The following SMG8 variants were observed in gnomAD, a reference collection of about 807,000 sequenced individuals.
SMG8 encodes the protein nonsense-mediated mRNA decay factor SMG8.
A neutral mutation model predicts 82.1 loss-of-function variants in SMG8; 49 were observed. The ratio of observed to expected loss-of-function variants is 0.60; its 90% CI spans 0.47 to 0.76. SMG8 has a LOEUF of 0.76. Ranked by LOEUF, SMG8 falls within the 30% of genes least tolerant of loss-of-function variation. The pLI, the probability that SMG8 is intolerant of heterozygous loss-of-function variation, is 0.00. For synonymous variants in SMG8, 404 were observed against 430.0 expected, an observed-to-expected ratio of 0.94 and a Z score of 0.75; for missense variants, 969 against 1,166.4, an observed-to-expected ratio of 0.83 and a Z score of 2.46.
Position 59,210,869 on chromosome 17 carries a change from G to A in SMG8, c.818G>A (p.Gly273Glu). The change falls in exon 1 of 4, where the codon GGA becomes GAA. Residue 273 changes from glycine (G) to glutamate (E), a missense_variant. Physicochemically the swap from Gly to Glu is moderately conservative, Grantham distance 98 (BLOSUM62 -2). Transcript: ENST00000300917. ...PRLLFLFQLN[G>E]ALKVEPPRNQ... ...CTCCTTTTCCTCTTTCAACTCAATG[G>A]AGCCCTCAAGGTAGAACCTCCTCGG... 1.9e-6 allele frequency: 3 copies of A among 1,614,030 alleles called. No individual in the cohort carries two copies. The highest frequency in any genetic ancestry group is 2.5e-6 in the Non-Finnish European group (3 of 1,180,034).
rs751444647 is a variant in SMG8 at position 59,211,641 on chromosome 17, G to A, written c.1590G>A (p.Gln530=). 6.2e-7 allele frequency: 1 copy of A among 1,613,962 alleles called. No homozygotes were observed. The highest frequency in any genetic ancestry group is 8.5e-7 in the Non-Finnish European group (1 of 1,179,970). Residue 530 remains glutamine (Q), a synonymous_variant, in exon 1 of 4, where the codon CAG becomes CAA. Coordinates refer to ENST00000300917, the MANE Select transcript of SMG8 (RefSeq NM_018149.7). ...TMTVHKNQLA[Q]ALRVYSQHAR... The stretch of plus-strand genomic sequence containing the variant: ...CTGTCCATAAGAATCAGCTTGCCCA[G>A]GCTCTTCGAGTGTACAGTCAACATG...
rs778791537 is a variant in SMG8 at position 59,211,248 on chromosome 17, C to T, written c.1197C>T (p.Ser399=). 6.2e-7 allele frequency: 1 copy of T among 1,614,172 alleles called. No individual in the cohort carries two copies. Among genetic ancestry groups the T allele is most frequent in the Non-Finnish European group, 8.5e-7 (1 of 1,180,022 alleles). The change falls in exon 1 of 4, where the codon TCC becomes TCT. Residue 399 remains serine, a synonymous_variant. Coordinates refer to ENST00000300917, the MANE Select transcript of SMG8 (RefSeq NM_018149.7). ...CCTTTCACATTGACAGCAGCAGTTC[C>T]AGTTCTTCAGGCCAGCTAGTGGATT... ...QLSFHIDSSS[S]SSSGQLVDFT...
intron 3 of SMG8, among the ~76,000 whole-genome samples, chr17:59,213,956 C>G (rs2046956387): frequency 6.6e-6 from 1 of 152,078 alleles, no homozygotes; most frequent in Non-Finnish European, 1.5e-5. Context: ...CAATTCACAT[C>G]ATTTCATTCA....
chr17:59,213,028 C>T lies in SMG8; in HGVS notation c.2205C>T (p.Asn735=). 6.2e-7 allele frequency: 1 copy of T among 1,614,188 alleles called. No individual in the cohort carries two copies. Among genetic ancestry groups the T allele is most frequent in the African/African-American group, 1.3e-5 (1 of 75,040 alleles). ...AAGTGAAAACTGAGAAGAGGCCAAA[C>T]TTCGTTGATCGACAGGCATCCACAG... is the stretch of plus-strand genomic sequence containing the variant. The part of the protein sequence containing the change: ...QVEVKTEKRP[N]FVDRQASTVE... Residue 735 remains asparagine (N), a synonymous_variant, in exon 3 of 4, where the codon AAC becomes AAT. Coordinates refer to ENST00000300917, the MANE Select transcript of SMG8 (RefSeq NM_018149.7).
Position 59,212,491 on chromosome 17 carries a change from A to G in SMG8, c.1905+5A>G, listed in dbSNP as rs2046950117. On this transcript the variant is annotated splice_donor_5th_base_variant and intron_variant, in intron 2 of 3. Transcript: ENST00000300917. ...GCCAATTATGACTTCTATCAGGTAG[A>G]CTCTGAATTTTTTCTTCTTCCTCTT... 1 of 1,588,622 alleles carries G rather than the reference A, an allele frequency of 6.3e-7. No individual in the cohort carries two copies. The highest frequency in any genetic ancestry group is 8.6e-7 in the Non-Finnish European group (1 of 1,163,696).
At position 59,213,325 on chromosome 17, in the gene SMG8, A is replaced by G. The variant is rs758206157; in HGVS notation, c.2502A>G (p.Gly834=). ...IPGKRSAVVM[G]RGRRRDDIAR... ...GAAAGAGAAGTGCGGTTGTAATGGG[A>G]AGAGGAAGACGGCGAGATGACATAG... is the stretch of plus-strand genomic sequence containing the variant. Residue 834 remains glycine, a synonymous_variant, in exon 3 of 4, where the codon GGA becomes GGG. Transcript: ENST00000300917. 1 of 1,614,226 alleles carries G rather than the reference A, an allele frequency of 6.2e-7. No homozygotes were observed. The highest frequency in any genetic ancestry group is 1.1e-5 in the South Asian group (1 of 91,092).
rs777664293 is a variant in SMG8, at chr17:59,213,084, A to G, written c.2261A>G (p.Asn754Ser). 2 of 1,614,202 alleles carry G rather than the reference A, an allele frequency of 1.2e-6. No homozygotes were observed. Among genetic ancestry groups the G allele is most frequent in the Non-Finnish European group, 1.7e-6 (2 of 1,180,038 alleles). Residue 754 changes from asparagine to serine, a missense_variant, in exon 3 of 4, where the codon AAT becomes AGT. Asn to Ser is a conservative substitution (Grantham distance 46). This residue lies in a region of SMG8 where 662 missense variants were observed against 884.8 expected (regional missense o/e 0.75). Transcript: ENST00000300917. ...TATCTCCCAGGCATGCTACATTCAA[A>G]TTGCCCTAAAGGTCTCCTACCCAAA... ...VEYLPGMLHS[N>S]CPKGLLPKFS...
intron 3 of SMG8, 64 bp downstream of exon 3, chr17:59,213,665 T>C: frequency 6.6e-7 from 1 of 1,514,596 alleles, no homozygotes; most frequent in South Asian, 1.3e-5. Context: ...TTTTGATTGA[T>C]TTTAAAAAGT....
In SMG8 at chr17:59,211,347, C is replaced by T. The variant is rs760271352; in HGVS notation, c.1296C>T (p.Gly432=). 1.9e-6 allele frequency: 3 copies of T among 1,614,140 alleles called. No homozygotes were observed. The highest frequency in any genetic ancestry group is 2.5e-6 in the Non-Finnish European group (3 of 1,180,018). ...LSKKGFDDSV[G]RNPQPSHFEL... is the part of the protein sequence containing the mutation. ...AGAAAGGTTTCGATGACAGTGTGGG[C>T]AGGAACCCACAGCCTTCCCATTTTG... is the stretch of plus-strand genomic sequence containing the variant. Residue 432 remains glycine, a synonymous_variant, in exon 1 of 4, where the codon GGC becomes GGT. Coordinates refer to ENST00000300917, the MANE Select transcript of SMG8 (RefSeq NM_018149.7).
In SMG8 at chr17:59,210,898, C is replaced by G; in HGVS notation, c.847C>G (p.Gln283Glu). Residue 283 changes from glutamine (Q) to glutamate (E), a missense_variant, in exon 1 of 4, where the codon CAA becomes GAA. Gln to Glu is a conservative substitution (Grantham distance 29). Coordinates refer to ENST00000300917, the MANE Select transcript of SMG8 (RefSeq NM_018149.7). ...GALKVEPPRN[Q>E]DPAHPDKPKK... ...CCTCAAGGTAGAACCTCCTCGGAAC[C>G]AAGACCCAGCTCATCCAGACAAGCC... 1 of 1,614,176 alleles carries G rather than the reference C, an allele frequency of 6.2e-7. No individual in the cohort carries two copies. Among genetic ancestry groups the G allele is most frequent in the Non-Finnish European group, 8.5e-7 (1 of 1,180,040 alleles).
intron 3 of SMG8, 77 bp downstream of exon 3, chr17:59,213,678 A>G (rs1023202421): frequency 8.7e-6 from 13 of 1,496,672 alleles, no homozygotes; most frequent in Non-Finnish European, 1.2e-5. Context: ...TAAAAAGTAC[A>G]AGTTAGCCTC....
Position 59,213,482 on chromosome 17 carries a change from A to G in SMG8, c.2659A>G (p.Met887Val). The change falls in exon 3 of 4, where the codon ATG becomes GTG. Residue 887 changes from methionine (M) to valine (V), a missense_variant. Physicochemically the swap from Met to Val is conservative, Grantham distance 21. Around this residue, in one of 3 missense-constraint regions of SMG8, gnomAD observed 662 missense variants for 884.8 expected, o/e 0.75. Coordinates refer to ENST00000300917, the MANE Select transcript of SMG8 (RefSeq NM_018149.7). ...AGCTTTAAAAGCCCTAAATAGTGAC[A>G]TGCCCTTATATATTCTGTCATCCTC... ...ESALKALNSDMPLYILSSSQG... is the reference protein window; with the variant it reads ...ESALKALNSDVPLYILSSSQG... 6.2e-7 allele frequency: 1 copy of G among 1,614,202 alleles called. No homozygotes were observed. The highest frequency in any genetic ancestry group is 1.1e-5 in the South Asian group (1 of 91,090).
Position 59,214,930 on chromosome 17 carries a change from C to A in SMG8, c.2904C>A (p.Phe968Leu). 1 of 872,844 alleles carries A rather than the reference C, an allele frequency of 1.1e-6. No individual in the cohort carries two copies. Among genetic ancestry groups the A allele is most frequent in the Non-Finnish European group, 2.0e-6 (1 of 501,664 alleles). 54.1% of individuals were successfully genotyped at this position (872,844 alleles called of 1,614,324 possible). A position where few individuals can be genotyped will look rare whatever the true frequency, so the allele number is the denominator to read the frequency against. ...ATGTGACTGAGAGAGGACCTTGTTT[C>A]CCCCCTAAGGAAAATGTGCAGTTAA... ...YAYVTERGPC[F>L]PPKENVQLMS... Residue 968 changes from phenylalanine (F) to leucine (L), a missense_variant, in exon 4 of 4, where the codon TTC (phenylalanine) becomes TTA (leucine). By Grantham distance (22) the Phe-to-Leu change is conservative. Coordinates refer to ENST00000300917, the MANE Select transcript of SMG8 (RefSeq NM_018149.7).
At position 59,211,649 on chromosome 17, in the gene SMG8, G is replaced by A. The variant is rs2046946295; in HGVS notation, c.1598G>A (p.Arg533Gln). The change falls in exon 1 of 4, where the codon CGA becomes CAA. Residue 533 changes from arginine (R) to glutamine (Q), a missense_variant. Physicochemically the swap from Arg to Gln is conservative, Grantham distance 43. Around this residue, in one of 3 missense-constraint regions of SMG8, gnomAD observed 662 missense variants for 884.8 expected, o/e 0.75. Coordinates refer to ENST00000300917, the MANE Select transcript of SMG8 (RefSeq NM_018149.7). ...AAGAATCAGCTTGCCCAGGCTCTTC[G>A]AGTGTACAGTCAACATGCTAGAGGT... ...VHKNQLAQALRVYSQHARGPA... is the reference protein window; with the variant it reads ...VHKNQLAQALQVYSQHARGPA... 3 of 1,613,848 alleles carry A rather than the reference G, an allele frequency of 1.9e-6. No individual in the cohort carries two copies. Among genetic ancestry groups the A allele is most frequent in the Non-Finnish European group, 2.5e-6 (3 of 1,180,006 alleles).
chr17:59,210,452 A>G lies in SMG8; in HGVS notation c.401A>G (p.Asp134Gly). The change falls in exon 1 of 4, where the codon GAC (aspartate) becomes GGC (glycine). Residue 134 changes from aspartate to glycine, a missense_variant. Asp to Gly is a moderately conservative substitution (Grantham distance 94). Around this residue, in one of 3 missense-constraint regions of SMG8, gnomAD observed 206 missense variants for 190.5 expected, o/e 1.08. Transcript: ENST00000300917. Reference protein sequence around the residue: ...EGNRTEAGSQDYSLLQAYYSQ... With the variant: ...EGNRTEAGSQGYSLLQAYYSQ... ...AACCGAACTGAGGCAGGCTCCCAGG[A>G]CTACAGCCTTCTGCAGGCCTACTAC... 2 of 1,606,912 alleles carry G rather than the reference A, an allele frequency of 1.2e-6. No homozygotes were observed. The highest frequency in any genetic ancestry group is 1.1e-5 in the South Asian group (1 of 90,032).
Position 59,211,060 on chromosome 17 carries a change from T to C in SMG8, c.1009T>C (p.Tyr337His), listed in dbSNP as rs754387788. The C allele has an allele frequency of 1.2e-6, 2 of 1,614,240 alleles. No individual in the cohort carries two copies. The highest frequency in any genetic ancestry group is 1.7e-6 in the Non-Finnish European group (2 of 1,180,036). Residue 337 changes from tyrosine (Y) to histidine (H), a missense_variant, in exon 1 of 4, where the codon TAC (tyrosine) becomes CAC (histidine). Tyr to His is a moderately conservative substitution (Grantham distance 83). This residue lies in a region of SMG8 where 662 missense variants were observed against 884.8 expected (regional missense o/e 0.75). Transcript: ENST00000300917. ...TGTGCCTGCCAACCAAGCTTTCGTG[T>C]ACATAGTACCGGGAAGCCAGGAGGA... ...FTVPANQAFV[Y>H]IVPGSQEEDP...
chr17:59,211,980 A>G (rs1789396111), intron 1 of SMG8, 170 bp downstream of exon 1: 1 of 534,360 alleles, frequency 1.9e-6, no homozygotes, highest in Non-Finnish European at 3.1e-6. Flanking sequence ...AATATCAGCT[A>G]TGACTACTTT....
rs1301924355 is a variant in SMG8, at chr17:59,210,863, T to C, written c.812T>C (p.Leu271Pro). 6.2e-7 allele frequency: 1 copy of C among 1,613,892 alleles called. No individual in the cohort carries two copies. Among genetic ancestry groups the C allele is most frequent in the Non-Finnish European group, 8.5e-7 (1 of 1,180,028 alleles). ...CPPRLLFLFQ[L>P]NGALKVEPPR... Reference sequence around the variant, plus strand: ...CCTAGACTCCTTTTCCTCTTTCAACTCAATGGAGCCCTCAAGGTAGAACCT... The same window carrying C: ...CCTAGACTCCTTTTCCTCTTTCAACCCAATGGAGCCCTCAAGGTAGAACCT... Residue 271 changes from leucine (L) to proline (P), a missense_variant, in exon 1 of 4, where the codon CTC (leucine) becomes CCC (proline). By Grantham distance (98) the Leu-to-Pro change is moderately conservative. This residue lies in a region of SMG8 where 662 missense variants were observed against 884.8 expected (regional missense o/e 0.75). Coordinates refer to ENST00000300917, the MANE Select transcript of SMG8 (RefSeq NM_018149.7).
At position 59,210,863 on chromosome 17, in the gene SMG8, T is replaced by A. The variant is rs1301924355; in HGVS notation, c.812T>A (p.Leu271His). 6.2e-7 allele frequency: 1 copy of A among 1,613,892 alleles called. No homozygotes were observed. The highest frequency in any genetic ancestry group is 1.3e-5 in the African/African-American group (1 of 74,850). The change falls in exon 1 of 4, where the codon CTC (leucine) becomes CAC (histidine). Residue 271 changes from leucine (L) to histidine (H), a missense_variant. Leu to His is a moderately conservative substitution (Grantham distance 99). Around this residue, in one of 3 missense-constraint regions of SMG8, gnomAD observed 662 missense variants for 884.8 expected, o/e 0.75. Transcript: ENST00000300917. ...CPPRLLFLFQ[L>H]NGALKVEPPR... ...CCTAGACTCCTTTTCCTCTTTCAAC[T>A]CAATGGAGCCCTCAAGGTAGAACCT...
Sources: allele counts gnomAD v4.1 joint callset (sites outside exome capture counted in the v4.1 genomes callset), GRCh38; gene constraint gnomAD v4.1.1; regional missense constraint gnomAD v4.1.1; transcripts MANE v1.5; gene names NCBI Gene and HGNC (gene_info 2026-07-23, HGNC 2026-07-21).